EVL: variants seen among roughly 807,000 people sequenced by gnomAD.
EVL encodes the protein ena/VASP-like protein.
In EVL, 21 loss-of-function variants were observed where a neutral mutation model predicts 59.6. The observed-to-expected ratio is 0.35, with a 90% CI of 0.25 to 0.51. EVL has a LOEUF of 0.51. EVL is among the 20% of genes least tolerant of loss of function. The pLI is 0.97. For synonymous variants in EVL, 198 were observed against 203.5 expected, an observed-to-expected ratio of 0.97 and a Z score of 0.23; for missense variants, 462 against 546.6, an observed-to-expected ratio of 0.85 and a Z score of 1.54.
chr14:100,126,370 G>T (rs1247060195), intron 4 of EVL, among the ~76,000 whole-genome samples: 5 of 152,246 alleles, frequency 3.3e-5, no homozygotes, highest in African/African-American at 4.8e-5. Flanking sequence ...GGCTGGGTCT[G>T]TTGAGGCCAC....
chr14:100,105,823 C>A (rs564763101), intron 3 of EVL, among the ~76,000 whole-genome samples: 3 of 152,174 alleles, frequency 2.0e-5, no homozygotes, highest in South Asian at 4.2e-4. Flanking sequence ...GTTGTAGCAG[C>A]AGCAGCCGCT....
At chr14:100,063,344 G>A (rs1026490289), upstream of EVL, among the ~76,000 whole-genome samples, 5 of 152,180 alleles carry the variant, frequency 3.3e-5, no homozygotes, top group African/African-American at 1.2e-4. Context: ...AGAAAGCAAT[G>A]CAGTCAGTGT....
chr14:100,072,748 T>G (rs1555420492), intron 1 of EVL, among the ~76,000 whole-genome samples: 1 of 152,152 alleles, frequency 6.6e-6, no homozygotes, highest in Non-Finnish European at 1.5e-5. Flanking sequence ...TAGTGAAAGG[T>G]AAAAGAGTGT....
At position 100,006,017 on chromosome 14, in the gene EVL, C is replaced by CG. The variant is rs1566967168; in HGVS notation, c.5+33960_5+33961insG. On this transcript the variant is annotated intron_variant, in intron 1 of 13. Coordinates refer to the EVL transcript ENST00000402714. ...CCCTTTTGCTGGCCATTTCCCCCCC[C>CG]CCCCCCACACCGACAACACTTTTGT... Among the ~76,000 whole-genome samples the CG allele has an allele frequency of 4.7e-5, 7 of 149,534 alleles. No homozygotes were observed. In the East Asian group the frequency reaches 1.0e-3, roughly 21 times the overall value.
rs1281943103 is a variant in EVL, at chr14:100,143,816, T to C, written c.*78T>C. On this transcript the variant is annotated 3_prime_UTR_variant, in exon 14 of 14. Transcript: ENST00000392920. ...GCCAGAAGCCCAGCCAGCCCCAGAC[T>C]CCAGTGCACCAGAGCACGCACAGGA... is the stretch of plus-strand genomic sequence containing the variant. 2.6e-6 allele frequency: 4 copies of C among 1,548,984 alleles called. No individual in the cohort carries two copies. Among genetic ancestry groups the C allele is most frequent in the Non-Finnish European group, 3.5e-6 (4 of 1,138,132 alleles).
At chr14:100,015,047 A>C (rs1193722612) in intron 1 of EVL, among the ~76,000 whole-genome samples, 1 of 152,234 alleles carries the variant, frequency 6.6e-6, no homozygotes, top group African/African-American at 2.4e-5. Context: ...TTGGCACATT[A>C]GATTCTGTTC....
At chr14:100,055,783 A>G (rs1331332581) in intron 1 of EVL, among the ~76,000 whole-genome samples, 1 of 141,916 alleles carries the variant, frequency 7.0e-6, no homozygotes, top group Non-Finnish European at 1.5e-5. Flanking sequence ...GTGCACACTT[A>G]CGTTGTTGTC....
intron 1 of EVL, among the ~76,000 whole-genome samples, chr14:99,973,860 G>T (rs2060752155): frequency 6.6e-6 from 1 of 152,124 alleles, no homozygotes; most frequent in South Asian, 2.1e-4. Flanking sequence ...ATGTGAAAAA[G>T]GGGTTAAATT....
chr14:100,081,393 A>G (rs541400426), intron 1 of EVL, among the ~76,000 whole-genome samples: 1 of 152,080 alleles, frequency 6.6e-6, no homozygotes, highest in African/African-American at 2.4e-5. Context: ...ATTTTCTTGC[A>G]TTTAGGTTTT....
At chr14:100,128,096 G>A (rs962253262) in intron 5 of EVL, among the ~76,000 whole-genome samples, 12 of 152,144 alleles carry the variant, frequency 7.9e-5, no homozygotes, top group Admixed American at 2.0e-4. Flanking sequence ...GGCCCCCAAC[G>A]ACCCAAGTGT....
chr14:99,994,700 C>T (rs1369384765), intron 1 of EVL, among the ~76,000 whole-genome samples: 4 of 152,144 alleles, frequency 2.6e-5, no homozygotes, highest in African/African-American at 9.7e-5. Context: ...CATTACAATA[C>T]TATAGGATTC....
intron 1 of EVL, among the ~76,000 whole-genome samples, chr14:100,018,142 A>G (rs2061066725): frequency 6.6e-6 from 1 of 152,258 alleles, no homozygotes; most frequent in African/African-American, 2.4e-5. Context: ...TTAGATTTGC[A>G]GGAGAGGCAA....
At chr14:100,000,256 T>C (rs1417859402) in intron 1 of EVL, among the ~76,000 whole-genome samples, 2 of 152,160 alleles carry the variant, frequency 1.3e-5, no homozygotes, top group African/African-American at 2.4e-5. Context: ...AAGATGTACA[T>C]TGATTTTGTC....
chr14:100,033,263 T>C (rs928544708), intron 1 of EVL, among the ~76,000 whole-genome samples: 1 of 152,250 alleles, frequency 6.6e-6, no homozygotes, highest in African/African-American at 2.4e-5. Context: ...TAGATTCCTA[T>C]ACAAACAAGG....
intron 1 of EVL, among the ~76,000 whole-genome samples, chr14:99,997,780 A>C (rs2060923235): frequency 6.6e-6 from 1 of 152,112 alleles, no homozygotes; most frequent in Admixed American, 6.5e-5. Flanking sequence ...CCTCTGCCCT[A>C]CTCTTCATTA....
At chr14:100,129,963 T>TGGAGACAATTTCAGAGATAAATGC (rs1888327371) in intron 7 of EVL, among the ~76,000 whole-genome samples, 1 of 152,208 alleles carries the variant, frequency 6.6e-6, no homozygotes, top group Admixed American at 6.5e-5. Context: ...GAGATAAATG[T>TGGAGACAATTTCAGAGATAAATGC]GGAGACAATT....
At chr14:100,058,565 A>G (rs975248592) in intron 1 of EVL, among the ~76,000 whole-genome samples, 1 of 152,330 alleles carries the variant, frequency 6.6e-6, no homozygotes, top group Non-Finnish European at 1.5e-5. Context: ...AACAGTTCCT[A>G]TTCTATCTTT....
intron 1 of EVL, among the ~76,000 whole-genome samples, chr14:99,989,842 A>C (rs1036468409): frequency 1.3e-4 from 20 of 152,226 alleles, no homozygotes; most frequent in Non-Finnish European, 2.5e-4. Flanking sequence ...GCAGGCGTTC[A>C]CCCAGCTCCT....
intron 9 of EVL, among the ~76,000 whole-genome samples, chr14:100,136,476 G>A (rs1888794322): frequency 1.3e-5 from 2 of 152,218 alleles, no homozygotes; most frequent in African/African-American, 2.4e-5. Context: ...GAGGTAGTTA[G>A]GAGAGTATGA....
Sources: gnomAD v4.1 joint callset for allele counts (sites outside exome capture counted in the v4.1 genomes callset) on GRCh38, gnomAD v4.1.1 for gene constraint, MANE v1.5 for transcripts, NCBI Gene and HGNC (gene_info 2026-07-23, HGNC 2026-07-21) for gene names.